NECAB1: variants seen among roughly 807,000 people sequenced by gnomAD.
NECAB1 encodes N-terminal EF-hand calcium-binding protein 1.
NECAB1 carries 29 observed loss-of-function variants against 57.5 expected under a neutral mutation model. The observed-to-expected ratio is 0.50, with a 90% confidence interval of 0.38 to 0.69. NECAB1 has a LOEUF of 0.69. Among genes scored for constraint, NECAB1 ranks in the 30% least tolerant of loss-of-function variants. The pLI is 0.00. For missense variants in NECAB1, 372 were observed against 413.8 expected (o/e 0.90, Z 0.88); for synonymous variants, 142 against 147.7 (o/e 0.96, Z 0.28).
chr8:90,898,171 T>G (rs1384725558), intron 5 of NECAB1, among the ~76,000 whole-genome samples: 1 of 152,114 alleles, frequency 6.6e-6, no homozygotes, highest in Non-Finnish European at 1.5e-5. Flanking sequence ...GGCTGCATTT[T>G]GAGTGATAGT....
intron 5 of NECAB1, among the ~76,000 whole-genome samples, chr8:90,883,663 C>T (rs1212799891): frequency 6.6e-6 from 1 of 152,154 alleles, no homozygotes; most frequent in Non-Finnish European, 1.5e-5. Context: ...TCCCTTAACC[C>T]CAGCCTTTTG....
chr8:90,860,238 CT>C (rs34293565), intron 3 of NECAB1, among the ~76,000 whole-genome samples: 9,779 of 136,726 alleles, frequency 0.072, 507 homozygotes, highest in African/African-American at 0.16. Flanking sequence ...TCTTTTTTTT[CT>C]TTTTTTTTTT....
chr8:90,845,501 G>A (rs1325186749), intron 3 of NECAB1, among the ~76,000 whole-genome samples: 2 of 151,994 alleles, frequency 1.3e-5, no homozygotes, highest in African/African-American at 2.4e-5. Context: ...TTTTGCAGAG[G>A]TTTTAATCTT....
chr8:90,892,912 C>G (rs1376286354), intron 5 of NECAB1, among the ~76,000 whole-genome samples: 1 of 152,144 alleles, frequency 6.6e-6, no homozygotes, highest in Non-Finnish European at 1.5e-5. Flanking sequence ...CAAATCTGAG[C>G]CTTCCCTGCT....
chr8:90,927,792 T>C (rs1240356167), intron 7 of NECAB1, among the ~76,000 whole-genome samples: 1 of 137,874 alleles, frequency 7.3e-6, no homozygotes, highest in Non-Finnish European at 1.6e-5. Context: ...ACACCAACTA[T>C]CTTGCCCTTA....
chr8:90,825,684 T>C (rs184287353), intron 3 of NECAB1, among the ~76,000 whole-genome samples: 1 of 152,032 alleles, frequency 6.6e-6, no homozygotes, highest in African/African-American at 2.4e-5. Flanking sequence ...AGACATTTTT[T>C]TGAAGCTAAC....
intron 3 of NECAB1, among the ~76,000 whole-genome samples, chr8:90,852,078 G>A (rs1022362685): frequency 1.5e-4 from 23 of 152,130 alleles, no homozygotes; most frequent in African/African-American, 5.6e-4. Context: ...TAGAAAGTGG[G>A]TATTGTTTTT....
intron 8 of NECAB1, among the ~76,000 whole-genome samples, chr8:90,932,722 C>T (rs909901177): frequency 1.3e-5 from 2 of 152,180 alleles, no homozygotes; most frequent in Non-Finnish European, 2.9e-5. Flanking sequence ...TATTAACAGG[C>T]ATATGTTATT....
At chr8:90,809,064 G>C (rs1300633121) in intron 2 of NECAB1, among the ~76,000 whole-genome samples, 1 of 152,190 alleles carries the variant, frequency 6.6e-6, no homozygotes, top group African/African-American at 2.4e-5. Flanking sequence ...AGACTCCAGA[G>C]CTGCACTAGT....
At chr8:90,820,024 C>A (rs1812120062) in intron 2 of NECAB1, among the ~76,000 whole-genome samples, 1 of 151,934 alleles carries the variant, frequency 6.6e-6, no homozygotes, top group Non-Finnish European at 1.5e-5. Context: ...CCAGCAGTTT[C>A]TCCCTCTCAT....
chr8:90,847,533 G>C (rs116933123), intron 3 of NECAB1, among the ~76,000 whole-genome samples: 1 of 152,244 alleles, frequency 6.6e-6, no homozygotes, highest in African/African-American at 2.4e-5. Flanking sequence ...GGGACTTTGT[G>C]TGGGGGCTAC....
chr8:90,935,376 GA>G (rs1810511153), intron 9 of NECAB1, among the ~76,000 whole-genome samples: 2 of 152,160 alleles, frequency 1.3e-5, no homozygotes, highest in African/African-American at 4.8e-5. Flanking sequence ...ACTTTACCCC[GA>G]TAAGCTAGAT....
chr8:90,831,183 C>G (rs1316383182), intron 3 of NECAB1, among the ~76,000 whole-genome samples: 3 of 152,130 alleles, frequency 2.0e-5, no homozygotes, highest in Non-Finnish European at 4.4e-5. Flanking sequence ...TTAGCAAATA[C>G]TCAGAGAAAC....
intron 3 of NECAB1, among the ~76,000 whole-genome samples, chr8:90,839,071 G>A (rs1812414423): frequency 6.6e-6 from 1 of 152,166 alleles, no homozygotes; most frequent in African/African-American, 2.4e-5. Context: ...CAGGCTTTCA[G>A]TGTTCTGTGC....
intron 1 of NECAB1, among the ~76,000 whole-genome samples, chr8:90,793,196 T>A (rs1811603814): frequency 6.6e-6 from 1 of 152,178 alleles, no homozygotes; most frequent in Non-Finnish European, 1.5e-5. Flanking sequence ...TGTGAGGCGC[T>A]CTCCCAAGTT....
chr8:90,821,926 G>A (rs1812150179), intron 2 of NECAB1, among the ~76,000 whole-genome samples: 1 of 151,768 alleles, frequency 6.6e-6, no homozygotes. Flanking sequence ...CAAGACTGTG[G>A]TCTAAGCAAC....
chr8:90,826,207 C>T (rs1419482858), intron 3 of NECAB1, among the ~76,000 whole-genome samples: 1 of 151,810 alleles, frequency 6.6e-6, no homozygotes, highest in African/African-American at 2.4e-5. Flanking sequence ...TAGTTTCTTA[C>T]TACTAAAGTA....
intron 2 of NECAB1, among the ~76,000 whole-genome samples, chr8:90,821,012 A>G (rs963456827): frequency 1.3e-5 from 2 of 151,848 alleles, no homozygotes; most frequent in African/African-American, 4.8e-5. Flanking sequence ...TACTTCCAAC[A>G]TTCTTTCTGG....
intron 9 of NECAB1, 49 bp downstream of exon 9, chr8:90,934,406 C>A: frequency 8.3e-7 from 1 of 1,208,384 alleles, no homozygotes; most frequent in South Asian, 1.7e-5. Context: ...TCTTTAAAAA[C>A]ATAATTTAAT....
Sources: gnomAD v4.1 joint callset for allele counts (sites outside exome capture counted in the v4.1 genomes callset) on GRCh38, gnomAD v4.1.1 for gene constraint, MANE v1.5 for transcripts, NCBI Gene and HGNC (gene_info 2026-07-23, HGNC 2026-07-21) for gene names.